The following OVCH1 variants were observed in gnomAD, a reference collection of about 807,000 sequenced individuals.
The protein encoded by OVCH1 is ovochymase 1.
Under a neutral mutation model 138.4 loss-of-function variants are expected in OVCH1, and 139 were observed. That is an observed-to-expected ratio of 1.00 (90% confidence interval 0.87 to 1.16). The LOEUF is 1.16. Among genes scored for constraint, OVCH1 ranks in the 50% most tolerant of loss-of-function variants. OVCH1 has a pLI of 0.00. For missense variants in OVCH1, 1,367 were observed against 1,357.9 expected, an observed-to-expected ratio of 1.01 and a Z score of -0.11; for synonymous variants, 453 against 467.8, an observed-to-expected ratio of 0.97 and a Z score of 0.41.
intron 3 of OVCH1, among the ~76,000 whole-genome samples, chr12:29,418,492 A>C (rs1413008072): frequency 6.6e-6 from 1 of 152,218 alleles, no homozygotes; most frequent in Non-Finnish European, 1.5e-5. Flanking sequence ...AATATAAGGA[A>C]GTTTTGAAAT....
At chr12:29,425,410 CAT>C (rs1565564479), downstream of OVCH1, among the ~76,000 whole-genome samples, 2 of 152,120 alleles carry the variant, frequency 1.3e-5, no homozygotes, top group Admixed American at 6.5e-5. Context: ...TAATCCAAAA[CAT>C]ATAATGCTCG....
At chr12:29,476,987 T>G (rs951871103) in intron 12 of OVCH1, 115 bp downstream of exon 12, 8 of 1,249,084 alleles carry the variant, frequency 6.4e-6, no homozygotes, top group Non-Finnish European at 6.3e-6. Flanking sequence ...AAATGGCAAA[T>G]GGCTAAAAGA....
rs1430320443 is a variant in OVCH1 at position 29,475,208 on chromosome 12, A to C, written c.1472-19T>G. 1 of 1,400,870 alleles carries C rather than the reference A, an allele frequency of 7.1e-7. No homozygotes were observed. Among genetic ancestry groups the C allele is most frequent in the Non-Finnish European group, 9.4e-7 (1 of 1,066,772 alleles). 86.8% of individuals were successfully genotyped at this position (1,400,870 alleles called of 1,614,324 possible). A position where few individuals can be genotyped will look rare whatever the true frequency, so the allele number is the denominator to read the frequency against. ...AGTTTAGCTGAAAAAATTTTAGGAAAGTTTGATTTATAGTTATATTTTTAA... is the reference window on the plus strand; with the variant it reads ...AGTTTAGCTGAAAAAATTTTAGGAACGTTTGATTTATAGTTATATTTTTAA... On this transcript the variant is annotated intron_variant, in intron 13 of 27. Transcript: ENST00000318184.
intron 12 of OVCH1, among the ~76,000 whole-genome samples, 198 bp from the exon 13 acceptor site, chr12:29,476,497 CG>C: frequency 6.6e-6 from 1 of 152,156 alleles, no homozygotes; most frequent in East Asian, 1.9e-4. Context: ...TTTGACCCAG[CG>C]AATCTAATTC....
At chr12:29,440,448 G>T in intron 25 of OVCH1, 1 of 217,570 alleles carries the variant, frequency 4.6e-6, no homozygotes, top group Non-Finnish European at 9.3e-6. Context: ...AGGCAATAGG[G>T]TGACAGTCTA....
At chr12:29,461,642 G>T (rs779822158) in intron 19 of OVCH1, 3 of 634,190 alleles carry the variant, frequency 4.7e-6, no homozygotes, top group Non-Finnish European at 2.8e-6. Flanking sequence ...GGCCTTTGTC[G>T]CTGTACAGCT....
downstream of OVCH1, among the ~76,000 whole-genome samples, chr12:29,410,790 T>G (rs1249000546): frequency 5.6e-4 from 85 of 151,566 alleles, no homozygotes; most frequent in Non-Finnish European, 8.6e-4. Flanking sequence ...TTATGTTTCT[T>G]GGAGTTGCTC....
chr12:29,446,047 C>G (rs992702191), intron 22 of OVCH1, among the ~76,000 whole-genome samples: 8 of 152,136 alleles, frequency 5.3e-5, no homozygotes, highest in Admixed American at 3.3e-4. Context: ...GCACTGACAT[C>G]CCAGATACTT....
At chr12:29,444,212 C>T in exon 24 of OVCH1, 1 of 1,612,480 alleles carries the variant, frequency 6.2e-7, no homozygotes, top group Non-Finnish European at 8.5e-7. Context: ...AGAAGAACAT[C>T]CTCACAAGGG....
chr12:29,497,641 C>T (rs1298520917), exon 1 of OVCH1: 15 of 1,613,920 alleles, frequency 9.3e-6, no homozygotes, highest in East Asian at 2.2e-5. Context: ...CTGGGGTGGC[C>T]GATGACCAGC....
chr12:29,471,328 A>G (rs537660605), intron 16 of OVCH1, among the ~76,000 whole-genome samples: 6 of 152,286 alleles, frequency 3.9e-5, no homozygotes, highest in East Asian at 1.9e-4. Flanking sequence ...AGGTTATTCT[A>G]TTGTGGTCTC....
intron 21 of OVCH1, 118 bp from the exon 22 acceptor site, chr12:29,451,687 T>G: frequency 1.4e-6 from 1 of 710,898 alleles, no homozygotes; most frequent in Non-Finnish European, 2.3e-6. Context: ...ACTTTGTTAC[T>G]GTCAGTTACA....
At chr12:29,473,630 A>G (rs1297016475) in intron 14 of OVCH1, among the ~76,000 whole-genome samples, 1 of 152,040 alleles carries the variant, frequency 6.6e-6, no homozygotes, top group Non-Finnish European at 1.5e-5. Context: ...TTTCTCTATC[A>G]TCTAGTGGCT....
chr12:29,428,818 A>C (rs1052246915), intron 27 of OVCH1, among the ~76,000 whole-genome samples: 1 of 152,218 alleles, frequency 6.6e-6, no homozygotes, highest in African/African-American at 2.4e-5. Flanking sequence ...ACTAAGAGGA[A>C]ACTAGAGAAG....
chr12:29,493,502 C>A (rs1381729948), intron 4 of OVCH1, among the ~76,000 whole-genome samples: 1 of 152,014 alleles, frequency 6.6e-6, no homozygotes, highest in East Asian at 1.9e-4. Flanking sequence ...TATCCATACT[C>A]TTTCTAAACT....
intron 6 of OVCH1, among the ~76,000 whole-genome samples, chr12:29,488,675 A>G (rs1163895903): frequency 6.6e-6 from 1 of 151,482 alleles, no homozygotes; most frequent in African/African-American, 2.4e-5. Context: ...CTCTTATGCT[A>G]CAGAATAAAG....
exon 3 of OVCH1, chr12:29,496,197 G>A: frequency 1.2e-6 from 2 of 1,607,654 alleles, no homozygotes; most frequent in Non-Finnish European, 1.7e-6. Context: ...AGGCTGTCCA[G>A]GCAGTGTGCT....
intron 26 of OVCH1, among the ~76,000 whole-genome samples, chr12:29,436,635 T>C (rs571812761): frequency 6.6e-6 from 1 of 152,316 alleles, no homozygotes; most frequent in South Asian, 2.1e-4. Context: ...TTCCTTCAGA[T>C]GTGTCCAGAG....
At chr12:29,449,029 C>G (rs1410218377) in intron 22 of OVCH1, among the ~76,000 whole-genome samples, 1 of 152,062 alleles carries the variant, frequency 6.6e-6, no homozygotes, top group African/African-American at 2.4e-5. Context: ...TTCTGTTGAA[C>G]AAAAAGAGGT....
Sources: allele counts gnomAD v4.1 joint callset (sites outside exome capture counted in the v4.1 genomes callset), GRCh38; gene constraint gnomAD v4.1.1; transcripts MANE v1.5; gene names NCBI Gene and HGNC (gene_info 2026-07-23, HGNC 2026-07-21).